Variants in PCGF6 observed in about 807,000 individuals in gnomAD.
The protein encoded by PCGF6 is polycomb group ring finger 6.
Under a neutral mutation model 45.5 loss-of-function variants are expected in PCGF6, and 24 were observed. The observed-to-expected ratio is 0.53, with a 90% confidence interval of 0.38 to 0.74. The LOEUF (loss-of-function observed/expected upper bound fraction) is 0.74, where lower values mean the gene tolerates loss of function less well. PCGF6 is among the 30% of genes least tolerant of loss of function. The probability of loss-of-function intolerance (pLI) is 0.00; values close to 1 mark genes in which losing one functional copy is unlikely to be tolerated. For missense variants in PCGF6, 356 were observed against 443.2 expected, an observed-to-expected ratio of 0.80 and a Z score of 1.77; for synonymous variants, 152 against 162.1, an observed-to-expected ratio of 0.94 and a Z score of 0.47.
At chr10:103,338,795 G>A (rs1222050622) in intron 6 of PCGF6, among the ~76,000 whole-genome samples, 1 of 150,764 alleles carries the variant, frequency 6.6e-6, no homozygotes, top group East Asian at 2.0e-4. Context: ...TTGAACCCTA[G>A]AGGCAGAGGT....
At chr10:103,307,234 G>A (rs932971835) in intron 9 of PCGF6, among the ~76,000 whole-genome samples, 2 of 152,136 alleles carry the variant, frequency 1.3e-5, no homozygotes, top group Non-Finnish European at 2.9e-5. Flanking sequence ...CTTGAGCTCA[G>A]GAGTTCAAGA....
chr10:103,313,163 T>C (rs2093163420), intron 9 of PCGF6, among the ~76,000 whole-genome samples: 1 of 152,142 alleles, frequency 6.6e-6, no homozygotes, highest in Non-Finnish European at 1.5e-5. Flanking sequence ...TTACCTTGAG[T>C]TCTTATCTAC....
chr10:103,320,750 T>C (rs1592060768), intron 8 of PCGF6, among the ~76,000 whole-genome samples: 3 of 151,492 alleles, frequency 2.0e-5, no homozygotes, highest in African/African-American at 7.2e-5. Flanking sequence ...TAAAATTTGA[T>C]CTGCCACAAA....
intron 9 of PCGF6, among the ~76,000 whole-genome samples, chr10:103,313,676 C>A (rs767260792): frequency 7.2e-5 from 11 of 152,138 alleles, no homozygotes; most frequent in Non-Finnish European, 1.5e-4. Context: ...GGGCCCCATT[C>A]GCAGCTATCC....
intron 8 of PCGF6, among the ~76,000 whole-genome samples, chr10:103,318,727 G>C (rs1196859574): frequency 6.6e-6 from 1 of 151,402 alleles, no homozygotes; most frequent in Non-Finnish European, 1.5e-5. Flanking sequence ...CTGGGCGACA[G>C]AGCGAGACTC....
intron 8 of PCGF6, among the ~76,000 whole-genome samples, chr10:103,315,293 C>T (rs949453634): frequency 4.6e-5 from 7 of 152,154 alleles, no homozygotes; most frequent in African/African-American, 1.7e-4. Context: ...TGAGGCAATC[C>T]TCCCACCTTA....
intron 8 of PCGF6, among the ~76,000 whole-genome samples, chr10:103,318,399 C>T (rs1320564129): frequency 3.5e-5 from 5 of 143,982 alleles, no homozygotes; most frequent in South Asian, 4.4e-4. Flanking sequence ...ACCGAGATCG[C>T]GCCACTGCAC....
chr10:103,349,370 C>T (rs1195443767), intron 1 of PCGF6, among the ~76,000 whole-genome samples: 1 of 151,636 alleles, frequency 6.6e-6, no homozygotes, highest in Non-Finnish European at 1.5e-5. Flanking sequence ...AACCTTAAAC[C>T]ATAATCTCAA....
intron 6 of PCGF6, among the ~76,000 whole-genome samples, chr10:103,340,198 A>AATATATATATATATATATATAT (rs1191965991): frequency 1.1e-5 from 1 of 87,908 alleles, no homozygotes; most frequent in African/African-American, 5.3e-5. Context: ...AAAAAAAAAA[A>AATATATATATATATATATATAT]ATATATATAT....
intron 9 of PCGF6, among the ~76,000 whole-genome samples, chr10:103,306,628 G>T (rs1392738596): frequency 2.0e-5 from 3 of 152,068 alleles, no homozygotes; most frequent in Non-Finnish European, 4.4e-5. Context: ...CTGCAATCTG[G>T]TTTGTGTTCC....
intron 5 of PCGF6, 74 bp from the exon 6 acceptor site, chr10:103,345,206 A>T (rs919222278): frequency 9.8e-7 from 1 of 1,017,766 alleles, no homozygotes; most frequent in Non-Finnish European, 1.5e-6. Context: ...AAAAATACAC[A>T]AGTATTATAA....
chr10:103,337,670 G>A (rs1201713352), intron 6 of PCGF6, among the ~76,000 whole-genome samples: 2 of 152,284 alleles, frequency 1.3e-5, no homozygotes, highest in African/African-American at 2.4e-5. Flanking sequence ...GCTCACGCCT[G>A]TAATCCCAGC....
chr10:103,344,776 G>C (rs980981177), intron 6 of PCGF6, among the ~76,000 whole-genome samples: 1 of 151,686 alleles, frequency 6.6e-6, no homozygotes, highest in South Asian at 2.1e-4. Flanking sequence ...CGCCATGTTA[G>C]CCAGGCTGGT....
chr10:103,326,960 GAC>G (rs1427396530), intron 7 of PCGF6, among the ~76,000 whole-genome samples: 20 of 152,162 alleles, frequency 1.3e-4, no homozygotes, highest in African/African-American at 4.8e-4. Context: ...ACACTTTAAA[GAC>G]ACAGAGAAAA....
intron 6 of PCGF6, among the ~76,000 whole-genome samples, chr10:103,344,334 C>G (rs1421120838): frequency 1.3e-5 from 2 of 151,230 alleles, no homozygotes; most frequent in African/African-American, 4.9e-5. Context: ...TGCGGTGGCA[C>G]GACCTCGGTT....
chr10:103,322,213 A>C (rs2093200146), intron 8 of PCGF6, among the ~76,000 whole-genome samples: 1 of 150,708 alleles, frequency 6.6e-6, no homozygotes, highest in Non-Finnish European at 1.5e-5. Context: ...ACTTATTTTT[A>C]TTTTTTTTGA....
chr10:103,345,759 C>A (rs956881334), intron 5 of PCGF6, among the ~76,000 whole-genome samples: 7 of 151,130 alleles, frequency 4.6e-5, no homozygotes, highest in Non-Finnish European at 8.8e-5. Context: ...GACTGGAAGG[C>A]GGAGGTTGCA....
At chr10:103,336,217 G>A (rs2093256624) in intron 6 of PCGF6, among the ~76,000 whole-genome samples, 1 of 151,136 alleles carries the variant, frequency 6.6e-6, no homozygotes, top group Non-Finnish European at 1.5e-5. Context: ...CTGGGCAACA[G>A]AGTGAGACTG....
chr10:103,340,126 G>A (rs1326884450), intron 6 of PCGF6, among the ~76,000 whole-genome samples: 2 of 141,332 alleles, frequency 1.4e-5, no homozygotes, highest in African/African-American at 5.2e-5. Context: ...GCAGTGAGCC[G>A]AGATTGTGCC....
Sources: gnomAD v4.1 joint callset for allele counts (sites outside exome capture counted in the v4.1 genomes callset) on GRCh38, gnomAD v4.1.1 for gene constraint, MANE v1.5 for transcripts, NCBI Gene and HGNC (gene_info 2026-07-23, HGNC 2026-07-21) for gene names.